Variants in GPR180 observed in about 807,000 individuals in gnomAD.
GPR180 encodes the protein integral membrane protein GPR180.
GPR180 carries 53 observed loss-of-function variants against 52.6 expected under a neutral mutation model. The ratio of observed to expected loss-of-function variants is 1.01; its 90% CI spans 0.81 to 1.27. The LOEUF is 1.27. Among genes scored for constraint, GPR180 ranks in the 50% most tolerant of loss-of-function variants. The probability of loss-of-function intolerance (pLI) is 0.00; values close to 1 mark genes in which losing one functional copy is unlikely to be tolerated. For missense variants in GPR180, 533 were observed against 527.0 expected (o/e 1.01, Z -0.11); for synonymous variants, 200 against 193.1 (o/e 1.04, Z -0.30).
rs756139728 is a variant in GPR180 at position 94,601,920 on chromosome 13, A to G, written c.-8A>G. The G allele has an allele frequency of 2.0e-5, 30 of 1,481,406 alleles. No homozygotes were observed. In the African/African-American group the frequency reaches 4.2e-4, roughly 21 times the overall value. The allele number at this position is 1,481,406 out of a possible 1,614,324, so 91.8% of individuals were successfully genotyped here. A position where few individuals can be genotyped will look rare whatever the true frequency, so the allele number is the denominator to read the frequency against. On this transcript the variant is annotated 5_prime_UTR_variant, in exon 1 of 9. Transcript: ENST00000376958. ...AGCCGAGGCGTCGGTGCAGACCTGG[A>G]GACGGGCATGGGGGGGCTGCGGCTG...
chr13:94,614,324 C>T (rs1594474526), intron 3 of GPR180, among the ~76,000 whole-genome samples: 5 of 152,234 alleles, frequency 3.3e-5, no homozygotes, highest in Admixed American at 2.0e-4. Flanking sequence ...CACTTCCTCT[C>T]CTGCCTTCCA....
At position 94,619,320 on chromosome 13, in the gene GPR180, C is replaced by G; in HGVS notation, c.676C>G (p.His226Asp). Residue 226 changes from histidine (H) to aspartate (D), a missense_variant, in exon 4 of 9, where the codon CAT becomes GAT. Physicochemically the swap from His to Asp is moderately conservative, Grantham distance 81. Coordinates refer to ENST00000376958, the MANE Select transcript of GPR180 (RefSeq NM_180989.6). The stretch of plus-strand genomic sequence containing the variant: ...TGGTTCAGCTTTAGCTAATTACATT[C>G]ATTTCTCCAGGTAACTCAAAACCAC... The part of the protein sequence containing the change: ...QAGSALANYI[H>D]FSSYSKDGIG... 1 of 1,613,814 alleles carries G rather than the reference C, an allele frequency of 6.2e-7. No individual in the cohort carries two copies. Among genetic ancestry groups the G allele is most frequent in the South Asian group, 1.1e-5 (1 of 91,004 alleles).
At chr13:94,625,944 T>C in intron 7 of GPR180, 22 bp from the exon 8 acceptor site, 1 of 1,588,658 alleles carries the variant, frequency 6.3e-7, no homozygotes, top group Non-Finnish European at 8.6e-7. Flanking sequence ...TTCTACTTAT[T>C]TCACTTTTTC....
At position 94,631,647 on chromosome 13, in the gene GPR180, GTGAA is replaced by G. The variant is rs1890000218; in HGVS notation, c.*4481_*4484del. 6.7e-6 allele frequency: 1 copy of G among 148,742 alleles called. No individual in the cohort carries two copies. Among genetic ancestry groups the G allele is most frequent in the South Asian group, 2.2e-4 (1 of 4,490 alleles). 9.2% of individuals were successfully genotyped at this position (148,742 alleles called of 1,614,324 possible). ...ACTAGATGCTCAAAAATATTTTTGAGTGAATGAAGGCAATGCTGAAAAAGTTCCA... is the reference window on the plus strand; with the variant it reads ...ACTAGATGCTCAAAAATATTTTTGAGTGAAGGCAATGCTGAAAAAGTTCCA... On this transcript the variant is annotated 3_prime_UTR_variant, in exon 9 of 9. Transcript: ENST00000376958.
chr13:94,615,567 G>A (rs557307666), intron 3 of GPR180, among the ~76,000 whole-genome samples: 7 of 152,266 alleles, frequency 4.6e-5, no homozygotes, highest in South Asian at 4.1e-4. Context: ...GTGTGATGCC[G>A]ATTGACAAAG....
intron 5 of GPR180, among the ~76,000 whole-genome samples, chr13:94,620,865 TA>T (rs1889841302): frequency 3.9e-5 from 6 of 152,190 alleles, no homozygotes; most frequent in Admixed American, 1.3e-4. Context: ...CTGTTTTAAC[TA>T]TTTTAATAAA....
At chr13:94,618,899 CT>C in intron 3 of GPR180, among the ~76,000 whole-genome samples, 1 of 152,244 alleles carries the variant, frequency 6.6e-6, no homozygotes, top group East Asian at 1.9e-4. Context: ...TTGGGTTCCC[CT>C]GACCATTATG....
At chr13:94,625,880 A>G (rs1045809203) in intron 7 of GPR180, 86 bp from the exon 8 acceptor site, 5 of 895,404 alleles carry the variant, frequency 5.6e-6, no homozygotes, top group Non-Finnish European at 8.8e-6. Context: ...ATCAGAACCT[A>G]AAAATGCTAG....
Position 94,621,105 on chromosome 13 carries a change from T to C in GPR180, c.764T>C (p.Met255Thr). ...EFFDIASQIQ[M>T]LYLLLSLCMG... The stretch of plus-strand genomic sequence containing the variant: ...TTTGACATCGCTTCCCAAATTCAGA[T>C]GTTATACTTACTTTTGAGTCTATGC... The change falls in exon 6 of 9, where the codon ATG (methionine) becomes ACG (threonine). Residue 255 changes from methionine to threonine, a missense_variant. Coordinates refer to ENST00000376958, the MANE Select transcript of GPR180 (RefSeq NM_180989.6). The C allele has an allele frequency of 6.2e-7, 1 of 1,609,734 alleles. No homozygotes were observed. The highest frequency in any genetic ancestry group is 8.5e-7 in the Non-Finnish European group (1 of 1,179,164).
chr13:94,612,893 TAGGGATTGCCTTCATTGA>T (rs560433049), intron 3 of GPR180, among the ~76,000 whole-genome samples: 385 of 152,286 alleles, frequency 2.5e-3, no homozygotes, highest in African/African-American at 9.0e-3. Flanking sequence ...TGAACAGATT[TAGGGATTGCCTTCATTGA>T]AGCTTACAAC....
At chr13:94,606,274 C>T (rs372216629) in intron 2 of GPR180, among the ~76,000 whole-genome samples, 4 of 152,258 alleles carry the variant, frequency 2.6e-5, no homozygotes, top group South Asian at 2.1e-4. Flanking sequence ...CCAGCCTGGG[C>T]GACAGAGTGA....
chr13:94,610,702 T>C (rs1475527027), intron 2 of GPR180, among the ~76,000 whole-genome samples: 1 of 152,194 alleles, frequency 6.6e-6, no homozygotes, highest in African/African-American at 2.4e-5. Context: ...TGCACCAACC[T>C]AATAGTTTTA....
rs948905590 is a variant in GPR180 at position 94,628,026 on chromosome 13, G to A, written c.*855G>A. 6.6e-6 allele frequency: 1 copy of A among 152,440 alleles called. No individual in the cohort carries two copies. Among genetic ancestry groups the A allele is most frequent in the Admixed American group, 6.5e-5 (1 of 15,270 alleles). 9.4% of individuals were successfully genotyped at this position (152,440 alleles called of 1,614,324 possible). On this transcript the variant is annotated 3_prime_UTR_variant, in exon 9 of 9. Transcript: ENST00000376958. ...CAATCATAATTAAGCCGTATACACA[G>A]ATTAAATTAACAGAAGCATTTCACA...
chr13:94,607,356 C>CTA (rs1889646140), intron 2 of GPR180, among the ~76,000 whole-genome samples: 2 of 152,110 alleles, frequency 1.3e-5, no homozygotes, highest in African/African-American at 2.4e-5. Flanking sequence ...AAATGGTTTC[C>CTA]CTTAACCTGA....
rs200804452 is a variant in GPR180, at chr13:94,626,976, G to T, written c.1165-37G>T. The T allele has an allele frequency of 6.9e-4, 996 of 1,435,564 alleles. 12 individuals carry two copies. The highest frequency in any genetic ancestry group is 1.4e-3 in the Middle Eastern group (8 of 5,564). The allele number at this position is 1,435,564 out of a possible 1,614,324, so 88.9% of individuals were successfully genotyped here. A position where few individuals can be genotyped will look rare whatever the true frequency, so the allele number is the denominator to read the frequency against. On this transcript the variant is annotated intron_variant, in intron 8 of 8. Transcript: ENST00000376958. ...AATTGAATATTATTTCTCTATTTCT[G>T]CATGTAGTAAAAGCATTCCTTTCCT... is the stretch of plus-strand genomic sequence containing the variant.
chr13:94,620,805 A>G (rs1889840559), intron 5 of GPR180, among the ~76,000 whole-genome samples: 1 of 152,216 alleles, frequency 6.6e-6, no homozygotes, highest in South Asian at 2.1e-4. Context: ...GGTTGGACTT[A>G]ATGGACATAT....
At position 94,633,022 on chromosome 13, in the gene GPR180, T is replaced by C. The variant is rs1890019483; in HGVS notation, c.*5851T>C. ...TTTGTGTTTGGGATCCTCTTACACC[T>C]TGCTCTATGTATGTCTTCTTTTGGC... On this transcript the variant is annotated 3_prime_UTR_variant, in exon 9 of 9. Transcript: ENST00000376958. 6.6e-6 allele frequency: 1 copy of C among 152,310 alleles called. No individual in the cohort carries two copies. The highest frequency in any genetic ancestry group is 1.5e-5 in the Non-Finnish European group (1 of 68,114). The allele number at this position is 152,310 out of a possible 1,614,324, so 9.4% of individuals were successfully genotyped here.
rs765825785 is a variant in GPR180 at position 94,619,301 on chromosome 13, A to G, written c.657A>G (p.Ser219=). 7 of 1,613,970 alleles carry G rather than the reference A, an allele frequency of 4.3e-6. No homozygotes were observed. Among genetic ancestry groups the G allele is most frequent in the South Asian group, 2.2e-5 (2 of 91,046 alleles). The change falls in exon 4 of 9, where the codon TCA becomes TCG. Residue 219 remains serine (S), a synonymous_variant. Transcript: ENST00000376958. ...CTGCATTGCTGTTACAAGCTGGTTCAGCTTTAGCTAATTACATTCATTTCT... is the reference window on the plus strand; with the variant it reads ...CTGCATTGCTGTTACAAGCTGGTTCGGCTTTAGCTAATTACATTCATTTCT... ...LTTALLLQAG[S]ALANYIHFSS...
intron 6 of GPR180, among the ~76,000 whole-genome samples, chr13:94,621,937 GA>G (rs1889857653): frequency 1.3e-5 from 2 of 152,150 alleles, no homozygotes; most frequent in South Asian, 4.1e-4. Flanking sequence ...ATTAGCTATA[GA>G]TGAAAATGAA....
Sources: gnomAD v4.1 joint callset for allele counts (sites outside exome capture counted in the v4.1 genomes callset) on GRCh38, gnomAD v4.1.1 for gene constraint, MANE v1.5 for transcripts, NCBI Gene and HGNC (gene_info 2026-07-23, HGNC 2026-07-21) for gene names.